TFPI: variants seen among roughly 807,000 people sequenced by gnomAD.
TFPI encodes the protein tissue factor pathway inhibitor.
A neutral mutation model predicts 34.6 loss-of-function variants in TFPI; 15 were observed. That is an observed-to-expected ratio of 0.43 (90% CI 0.29 to 0.67). The LOEUF is 0.67. Ranked by LOEUF, TFPI falls within the 30% of genes least tolerant of loss-of-function variation. TFPI has a pLI of 0.15. For missense variants in TFPI, 301 were observed against 364.0 expected (o/e 0.83, Z 1.41); for synonymous variants, 105 against 120.1 (o/e 0.87, Z 0.82).
At chr2:187,488,252 A>G (rs1693432744) in intron 4 of TFPI, 85 bp downstream of exon 4, 2 of 1,166,184 alleles carry the variant, frequency 1.7e-6, no homozygotes, top group Non-Finnish European at 1.2e-6. Context: ...GGGACCAGAA[A>G]AAACAAACAA....
chr2:187,491,814 T>G (rs1257780410), intron 3 of TFPI, among the ~76,000 whole-genome samples: 1 of 152,134 alleles, frequency 6.6e-6, no homozygotes, highest in Non-Finnish European at 1.5e-5. Flanking sequence ...AATTTACATT[T>G]CCAGCAACAA....
At chr2:187,518,605 C>T (rs958683624) in intron 1 of TFPI, 7 of 152,086 alleles carry the variant, frequency 4.6e-5, no homozygotes, top group African/African-American at 1.7e-4. Context: ...GTGAATCTGA[C>T]GATTATGTGT....
rs150113774 is a variant in TFPI at position 187,528,292 on chromosome 2, C to T, written c.-2-24522G>A. Among the ~76,000 whole-genome samples, 347 of 152,144 alleles carry T rather than the reference C, an allele frequency of 2.3e-3. 2 individuals carry two copies. The highest frequency in any genetic ancestry group is 8.1e-3 in the African/African-American group (336 of 41,522). ...CAAAGAAGTTCACCCAACAGTCAAA[C>T]CCTGAATGAATGGATTAGTACAAGC... On this transcript the variant is annotated intron_variant, in intron 1 of 7. Coordinates refer to ENST00000233156, the MANE Select transcript of TFPI (RefSeq NM_006287.6).
intron 1 of TFPI, among the ~76,000 whole-genome samples, chr2:187,523,893 TTC>T (rs1394435849): frequency 6.6e-6 from 1 of 152,100 alleles, no homozygotes; most frequent in East Asian, 1.9e-4. Flanking sequence ...CCCTTTAGGC[TTC>T]ACCCTCTTCC....
chr2:187,532,479 C>G (rs1448145184), intron 1 of TFPI, among the ~76,000 whole-genome samples: 3 of 152,178 alleles, frequency 2.0e-5, no homozygotes, highest in Non-Finnish European at 4.4e-5. Context: ...CACAAGGGGT[C>G]AGGGAACTCC....
intron 1 of TFPI, among the ~76,000 whole-genome samples, chr2:187,552,071 G>T (rs1378778122): frequency 1.3e-5 from 2 of 151,848 alleles, no homozygotes; most frequent in East Asian, 1.9e-4. Context: ...AGATTTTTTT[G>T]AAAATCCTAG....
At chr2:187,486,565 AACT>A (rs1214624660) in intron 4 of TFPI, among the ~76,000 whole-genome samples, 1 of 151,652 alleles carries the variant, frequency 6.6e-6, no homozygotes, top group Non-Finnish European at 1.5e-5. Context: ...TTTCATATGA[AACT>A]ACATTGGGAA....
intron 1 of TFPI, among the ~76,000 whole-genome samples, chr2:187,522,904 A>AAATAAATAAAT (rs1194604435): frequency 6.7e-6 from 1 of 149,168 alleles, no homozygotes; most frequent in African/African-American, 2.5e-5. Flanking sequence ...ATAAATAAAT[A>AAATAAATAAAT]AATAAATAAA....
chr2:187,481,873 A>G (rs1260786980), intron 6 of TFPI, among the ~76,000 whole-genome samples: 1 of 152,066 alleles, frequency 6.6e-6, no homozygotes, highest in Non-Finnish European at 1.5e-5. Flanking sequence ...TATTGTTAAT[A>G]TTGTTTTCTT....
At chr2:187,523,543 C>G (rs1258815245) in intron 1 of TFPI, among the ~76,000 whole-genome samples, 1 of 152,098 alleles carries the variant, frequency 6.6e-6, no homozygotes, top group East Asian at 1.9e-4. Flanking sequence ...TTTCTTGTCA[C>G]AGTCTGCATT....
chr2:187,490,134 C>T (rs1052389026), intron 3 of TFPI, among the ~76,000 whole-genome samples: 1 of 151,398 alleles, frequency 6.6e-6, no homozygotes, highest in Non-Finnish European at 1.5e-5. Context: ...ATATTTATAC[C>T]TCAAACTGAC....
At chr2:187,544,279 G>A (rs1019099591) in intron 1 of TFPI, among the ~76,000 whole-genome samples, 1 of 152,024 alleles carries the variant, frequency 6.6e-6, no homozygotes. Context: ...TGACATTAAA[G>A]CAATGCTTAA....
At chr2:187,539,002 GTCAT>G (rs1388391273) in intron 1 of TFPI, among the ~76,000 whole-genome samples, 1 of 152,056 alleles carries the variant, frequency 6.6e-6, no homozygotes, top group Non-Finnish European at 1.5e-5. Flanking sequence ...ATTGAAAATT[GTCAT>G]TCAGAGATAT....
chr2:187,468,533 A>AT (rs5837040), intron 6 of TFPI, among the ~76,000 whole-genome samples: 22,585 of 151,722 alleles, frequency 0.15, 2,168 homozygotes, highest in East Asian at 0.34. Context: ...TCTTGGTAGC[A>AT]TTTTTTTTCT....
chr2:187,519,003 A>G (rs1375568420), intron 1 of TFPI: 2 of 152,036 alleles, frequency 1.3e-5, no homozygotes, highest in Non-Finnish European at 2.9e-5. Context: ...CAGGTCATTT[A>G]TGTTCTTCTC....
At chr2:187,514,751 A>G (rs1314517291) in intron 1 of TFPI, 3 of 152,226 alleles carry the variant, frequency 2.0e-5, no homozygotes, top group Non-Finnish European at 4.4e-5. Context: ...AAAATAAGAC[A>G]TTGTAAAGTG....
chr2:187,538,090 T>C (rs1044434456), intron 1 of TFPI, among the ~76,000 whole-genome samples: 2 of 152,192 alleles, frequency 1.3e-5, no homozygotes, highest in Non-Finnish European at 2.9e-5. Context: ...AAACAACAGA[T>C]GCTGGAGAAG....
chr2:187,531,287 A>G (rs1319390416), intron 1 of TFPI, among the ~76,000 whole-genome samples: 1 of 152,214 alleles, frequency 6.6e-6, no homozygotes. Context: ...TAGAGTCTCT[A>G]ATATACTCTA....
intron 2 of TFPI, among the ~76,000 whole-genome samples, chr2:187,500,197 C>T (rs560252968): frequency 1.9e-4 from 29 of 152,222 alleles, no homozygotes; most frequent in Admixed American, 1.8e-3. Flanking sequence ...TACCTAGCAA[C>T]AATAGCTAAT....
Sources: allele counts gnomAD v4.1 joint callset (sites outside exome capture counted in the v4.1 genomes callset), GRCh38; gene constraint gnomAD v4.1.1; transcripts MANE v1.5; gene names NCBI Gene and HGNC (gene_info 2026-07-23, HGNC 2026-07-21).